DMTN: variants seen among roughly 807,000 people sequenced by gnomAD.
The protein encoded by DMTN is dematin.
DMTN carries 27 observed loss-of-function variants against 59.4 expected under a neutral mutation model. The observed-to-expected ratio is 0.45, with a 90% CI of 0.33 to 0.63. DMTN has a LOEUF of 0.63. Ranked by LOEUF, DMTN falls within the 20% of genes least tolerant of loss-of-function variation. The probability of loss-of-function intolerance (pLI) is 0.02; values close to 1 mark genes in which losing one functional copy is unlikely to be tolerated. For missense variants in DMTN, 451 were observed against 528.9 expected (o/e 0.85, Z 1.45); for synonymous variants, 221 against 203.7 (o/e 1.08, Z -0.72).
At chr8:22,066,975 CCGCCGCGCAG>C (rs577714254) in intron 2 of DMTN, 82 bp downstream of exon 2, 110 of 1,241,268 alleles carry the variant, frequency 8.9e-5, no homozygotes, top group South Asian at 1.9e-4. Context: ...TGGTGGCCAC[CCGCCGCGCAG>C]CGCCGCGCAG....
upstream of DMTN, among the ~76,000 whole-genome samples, chr8:22,052,403 C>G (rs1801443230): frequency 6.6e-6 from 1 of 152,228 alleles, no homozygotes; most frequent in South Asian, 2.1e-4. Context: ...TCCCTCTAGG[C>G]AGAGGCAGGA....
intron 1 of DMTN, among the ~76,000 whole-genome samples, chr8:22,064,010 AT>A (rs1321792505): frequency 2.0e-5 from 3 of 152,238 alleles, no homozygotes; most frequent in Non-Finnish European, 4.4e-5. Flanking sequence ...GAATAAAACA[AT>A]ACATGACTAA....
chr8:22,081,098 T>TCCCCCC lies in DMTN; in HGVS notation c.1024-14_1024-9dup. ...TATTCTGTGAGCCTAAGATTGCCCC[T>TCCCCCC]CCCCCCACCCCCAGATCTATCCCTA... On this transcript the variant is annotated splice_polypyrimidine_tract_variant and intron_variant, in intron 14 of 15. Transcript: ENST00000358242. 1.6e-6 allele frequency: 1 copy of TCCCCCC among 636,748 alleles called. No homozygotes were observed. Among genetic ancestry groups the TCCCCCC allele is most frequent in the Admixed American group, 2.1e-5 (1 of 48,598 alleles). 39.4% of individuals were successfully genotyped at this position (636,748 alleles called of 1,614,324 possible). A position where few individuals can be genotyped will look rare whatever the true frequency, so the allele number is the denominator to read the frequency against.
In DMTN at chr8:22,081,897, C is replaced by T. The variant is rs1208792809; in HGVS notation, c.*434C>T. ...CGCCCACCCAGCCCTCCCATACTCA[C>T]TCCTGACAGCTTTCCTGCACTGCAG... is the stretch of plus-strand genomic sequence containing the variant. On this transcript the variant is annotated 3_prime_UTR_variant, in exon 16 of 16. Transcript: ENST00000358242. 2.2e-6 allele frequency: 1 copy of T among 455,228 alleles called. No homozygotes were observed. The highest frequency in any genetic ancestry group is 1.6e-5 in the South Asian group (1 of 64,228). The allele number at this position is 455,228 out of a possible 1,614,324, so 28.2% of individuals were successfully genotyped here. A position where few individuals can be genotyped will look rare whatever the true frequency, so the allele number is the denominator to read the frequency against.
upstream of DMTN, among the ~76,000 whole-genome samples, chr8:22,050,770 T>C (rs1279008697): frequency 6.6e-6 from 1 of 151,930 alleles, no homozygotes; most frequent in Admixed American, 6.6e-5. Context: ...GGTCTCTGGG[T>C]CCCTGGGTCC....
At chr8:22,050,053 C>T (rs1585554025), upstream of DMTN, among the ~76,000 whole-genome samples, 3 of 152,222 alleles carry the variant, frequency 2.0e-5, no homozygotes, top group African/African-American at 7.2e-5. Flanking sequence ...CAGACATTCT[C>T]CCTACTGCTC....
At chr8:22,070,697 C>A (rs1252029236) in intron 8 of DMTN, among the ~76,000 whole-genome samples, 1 of 152,152 alleles carries the variant, frequency 6.6e-6, no homozygotes, top group African/African-American at 2.4e-5. Flanking sequence ...TTATTTTTAT[C>A]CATTTATGGG....
At chr8:22,081,092 T>TGGGGGGGGGGGGGGGGCGGGGGG in intron 14 of DMTN, 21 bp from the exon 15 acceptor site, 1 of 1,547,318 alleles carries the variant, frequency 6.5e-7, no homozygotes, top group Non-Finnish European at 8.9e-7. Flanking sequence ...AGCCTAAGAT[T>TGGGGGGGGGGGGGGGGCGGGGGG]GCCCCTCCCC....
At chr8:22,068,930 T>G in intron 4 of DMTN, 86 bp from the exon 5 acceptor site, 2 of 1,475,590 alleles carry the variant, frequency 1.4e-6, no homozygotes, top group South Asian at 2.3e-5. Context: ...CGGCTTTGGG[T>G]GGGGGATGAG....
chr8:22,077,474 G>T (rs923166945), intron 10 of DMTN, among the ~76,000 whole-genome samples: 18 of 152,200 alleles, frequency 1.2e-4, no homozygotes, highest in Admixed American at 9.2e-4. Flanking sequence ...GAGCTCTCAG[G>T]ATGCTGTCTC....
rs546161696 is a variant in DMTN at position 22,060,638 on chromosome 8, T to C, written c.-172+3502T>C. Among the ~76,000 whole-genome samples the C allele has an allele frequency of 1.3e-4, 20 of 152,232 alleles. No individual in the cohort carries two copies. Among genetic ancestry groups the C allele is most frequent in the Non-Finnish European group, 2.8e-4 (19 of 68,044 alleles). On this transcript the variant is annotated intron_variant, in intron 1 of 15. Transcript: ENST00000358242. This position sits in a 1 kb window ranked among gnomAD's most constrained non-coding sequence, Gnocchi z 5.0. ...ATAATTTATCAACCAACATGCTCTC[T>C]AACAAATGGCAGGGGGTGGCACCAG...
intron 10 of DMTN, among the ~76,000 whole-genome samples, chr8:22,074,838 G>T (rs1227208416): frequency 6.6e-6 from 1 of 152,124 alleles, no homozygotes; most frequent in Non-Finnish European, 1.5e-5. Context: ...GAGCTTGGCG[G>T]CTGGAGAGGA....
Position 22,070,069 on chromosome 8 carries a change from C to G in DMTN, c.452-113C>G, listed in dbSNP as rs779176601. On this transcript the variant is annotated intron_variant, in intron 7 of 15. Transcript: ENST00000358242. ...AGCAGCACGTGTGCCCCGTGCTCAG[C>G]GTGTACACTGCTTTTACCTGCAGGA... The G allele has an allele frequency of 4.5e-6, 7 of 1,547,768 alleles. No individual in the cohort carries two copies. The African/African-American group carries it at 9.5e-5, about 21-fold the overall frequency.
In DMTN at chr8:22,082,070, C is replaced by G. The variant is rs1188325417; in HGVS notation, c.*607C>G. Reference sequence around the variant, plus strand: ...TCCAGCCCTGCGGCTTCCCCAGAAGCCTGGGCTTAGGGTGGAGATGCCGCC... The same window carrying G: ...TCCAGCCCTGCGGCTTCCCCAGAAGGCTGGGCTTAGGGTGGAGATGCCGCC... On this transcript the variant is annotated 3_prime_UTR_variant, in exon 16 of 16. Transcript: ENST00000358242. 3 of 456,662 alleles carry G rather than the reference C, an allele frequency of 6.6e-6. No individual in the cohort carries two copies. Among genetic ancestry groups the G allele is most frequent in the Non-Finnish European group, 1.3e-5 (3 of 226,984 alleles). 28.3% of individuals were successfully genotyped at this position (456,662 alleles called of 1,614,324 possible). A position where few individuals can be genotyped will look rare whatever the true frequency, so the allele number is the denominator to read the frequency against.
chr8:22,072,470 A>G lies in DMTN; in HGVS notation c.729+20A>G, dbSNP rs1423694930. The G allele has an allele frequency of 1.3e-6, 2 of 1,529,608 alleles. No individual in the cohort carries two copies. Among genetic ancestry groups the G allele is most frequent in the East Asian group, 5.0e-5 (2 of 39,652 alleles). 94.8% of individuals were successfully genotyped at this position (1,529,608 alleles called of 1,614,324 possible). ...AGTAAGGTAGCATCTCACCACCCCC[A>G]CCCTCCACCCCTGTGCAGGAGTCTC... is the stretch of plus-strand genomic sequence containing the variant. On this transcript the variant is annotated intron_variant, in intron 9 of 15. Coordinates refer to ENST00000358242, the MANE Select transcript of DMTN (RefSeq NM_001387751.1).
chr8:22,053,686 G>A (rs111832373), upstream of DMTN: 1,730 of 152,318 alleles, frequency 0.011, 11 homozygotes, highest in Middle Eastern at 0.014. Context: ...GGCGTCGGGG[G>A]GCCTGGGACC....
upstream of DMTN, among the ~76,000 whole-genome samples, chr8:22,051,656 C>T (rs746898762): frequency 1.4e-4 from 22 of 152,316 alleles, no homozygotes; most frequent in Middle Eastern, 3.4e-3. Context: ...GCCAGCTGCC[C>T]CTCTGAGCAA....
intron 12 of DMTN, 53 bp downstream of exon 12, chr8:22,080,513 C>T (rs760442533): frequency 6.2e-7 from 1 of 1,614,048 alleles, no homozygotes; most frequent in South Asian, 1.1e-5. Flanking sequence ...ACACAGGTCC[C>T]TGGGCAGCCG....
rs753334130 is a variant in DMTN, at chr8:22,081,331, C to A, written c.1105-19C>A. 7.4e-6 allele frequency: 12 copies of A among 1,611,548 alleles called. No homozygotes were observed. The highest frequency in any genetic ancestry group is 8.5e-6 in the Non-Finnish European group (10 of 1,177,690). On this transcript the variant is annotated intron_variant, in intron 15 of 15. Transcript: ENST00000358242. ...CCCCCTCCCCCTCCATGCTGAGCTG[C>A]CCCGATTCCCCCATGTAGAGGCATC...
Sources: allele counts gnomAD v4.1 joint callset (sites outside exome capture counted in the v4.1 genomes callset), GRCh38; gene constraint gnomAD v4.1.1; non-coding constraint Gnocchi (gnomAD v3.1); transcripts MANE v1.5; gene names NCBI Gene and HGNC (gene_info 2026-07-23, HGNC 2026-07-21).